Variants in ANKRD44 observed in about 807,000 individuals in gnomAD.
ANKRD44 encodes ankyrin repeat domain 44.
ANKRD44 carries 35 observed loss-of-function variants against 116.0 expected under a neutral mutation model. The observed-to-expected ratio is 0.30, with a 90% CI of 0.23 to 0.40. ANKRD44 has a LOEUF of 0.40. Among genes scored for constraint, ANKRD44 ranks in the 10% least tolerant of loss-of-function variants. ANKRD44 has a pLI of 1.00. For synonymous variants in ANKRD44, 435 were observed against 461.8 expected (o/e 0.94, Z 0.74); for missense variants, 1,014 against 1,242.6 (o/e 0.82, Z 2.77).
At position 197,068,390 on chromosome 2, in the gene ANKRD44, A is replaced by AT. The variant is rs1553500784; in HGVS notation, c.1650+10312_1650+10313insA. Among the ~76,000 whole-genome samples, 99 of 67,338 alleles carry AT rather than the reference A, an allele frequency of 1.5e-3. 1 individual carries two copies. Among genetic ancestry groups the AT allele is most frequent in the South Asian group, 9.0e-3 (15 of 1,662 alleles). 44.2% of individuals were successfully genotyped at this position (67,338 alleles called of 152,430 possible). ...AAAAATAAAAAAAAGAAAAAAATAA[A>AT]AAAAAAATAAAAATAAAATAAAAAA... On this transcript the variant is annotated intron_variant, in intron 16 of 27. Coordinates refer to ENST00000282272, the MANE Select transcript of ANKRD44 (RefSeq NM_001195144.2).
intron 9 of ANKRD44, among the ~76,000 whole-genome samples, chr2:197,100,677 T>C (rs960606610): frequency 1.3e-5 from 2 of 152,306 alleles, no homozygotes; most frequent in South Asian, 2.1e-4. Flanking sequence ...CAGGAAATGA[T>C]TTCATGTAAT....
At chr2:197,093,358 T>C (rs1216091310) in intron 10 of ANKRD44, among the ~76,000 whole-genome samples, 1 of 152,204 alleles carries the variant, frequency 6.6e-6, no homozygotes, top group African/African-American at 2.4e-5. Context: ...CCAATCAATC[T>C]TGCCACTTAA....
chr2:197,229,539 T>C (rs577296804), intron 1 of ANKRD44, among the ~76,000 whole-genome samples: 1 of 152,344 alleles, frequency 6.6e-6, no homozygotes, highest in Non-Finnish European at 1.5e-5. Flanking sequence ...TAGTTTCTCA[T>C]TTTGATTATC....
At chr2:196,993,987 T>C (rs1417779858) in intron 26 of ANKRD44, among the ~76,000 whole-genome samples, 1 of 152,228 alleles carries the variant, frequency 6.6e-6, no homozygotes, top group East Asian at 1.9e-4. Flanking sequence ...GGCCCTTTAC[T>C]GCTTGATTTC....
At chr2:197,008,298 T>G (rs1298235395) in intron 19 of ANKRD44, among the ~76,000 whole-genome samples, 1 of 152,196 alleles carries the variant, frequency 6.6e-6, no homozygotes, top group East Asian at 1.9e-4. Flanking sequence ...TGTAGTATTC[T>G]ATGTTGGACT....
intron 1 of ANKRD44, among the ~76,000 whole-genome samples, chr2:197,209,752 C>T (rs1028612243): frequency 6.6e-6 from 1 of 152,196 alleles, no homozygotes; most frequent in Non-Finnish European, 1.5e-5. Flanking sequence ...TGGAAATTGT[C>T]ATGAAAAGCT....
intron 10 of ANKRD44, chr2:197,099,520 G>A: frequency 9.1e-7 from 1 of 1,093,820 alleles, no homozygotes; most frequent in South Asian, 2.9e-5. Context: ...TTAATATGAA[G>A]CATTGGGAAG....
chr2:197,035,598 T>C (rs1436199348), intron 16 of ANKRD44, among the ~76,000 whole-genome samples: 5 of 152,164 alleles, frequency 3.3e-5, no homozygotes, highest in South Asian at 4.1e-4. Context: ...AGGACATTTA[T>C]GGATCTTCAA....
At chr2:197,053,819 G>T (rs2077156943) in intron 16 of ANKRD44, among the ~76,000 whole-genome samples, 1 of 152,136 alleles carries the variant, frequency 6.6e-6, no homozygotes, top group Admixed American at 6.6e-5. Context: ...GGCTATTTAT[G>T]CTGGAAAAGG....
chr2:197,270,711 C>T (rs537036328), intron 1 of ANKRD44, among the ~76,000 whole-genome samples: 104 of 152,222 alleles, frequency 6.8e-4, no homozygotes, highest in African/African-American at 2.4e-3. Flanking sequence ...GAGCTGGAGA[C>T]GAGGAAGCTG....
At chr2:197,272,566 A>G (rs1453721842) in intron 1 of ANKRD44, among the ~76,000 whole-genome samples, 1 of 152,190 alleles carries the variant, frequency 6.6e-6, no homozygotes, top group African/African-American at 2.4e-5. Flanking sequence ...CACCCAGTTG[A>G]TATTTTGTTT....
intron 17 of ANKRD44, among the ~76,000 whole-genome samples, chr2:197,022,216 T>C (rs1243466365): frequency 6.6e-6 from 1 of 152,138 alleles, no homozygotes; most frequent in Non-Finnish European, 1.5e-5. Context: ...ACCTTTTGGG[T>C]CCTTAAAGCA....
intron 9 of ANKRD44, among the ~76,000 whole-genome samples, chr2:197,101,620 C>T (rs1294179904): frequency 6.6e-6 from 1 of 152,020 alleles, no homozygotes; most frequent in Non-Finnish European, 1.5e-5. Context: ...AAAAAAAAGG[C>T]TTGATTATGT....
At chr2:196,975,299 T>A (rs903659294) in intron 21 of ANKRD44, among the ~76,000 whole-genome samples, 3 of 152,108 alleles carry the variant, frequency 2.0e-5, no homozygotes, top group African/African-American at 7.2e-5. Flanking sequence ...GTAAAGAAAT[T>A]GAGTTAGCAA....
intron 10 of ANKRD44, among the ~76,000 whole-genome samples, chr2:197,091,502 G>A (rs541108036): frequency 2.6e-5 from 4 of 152,130 alleles, no homozygotes; most frequent in South Asian, 2.1e-4. Flanking sequence ...CACCACAGGC[G>A]CACATCACTA....
At chr2:197,115,666 C>T (rs2078691023) in intron 8 of ANKRD44, among the ~76,000 whole-genome samples, 1 of 152,144 alleles carries the variant, frequency 6.6e-6, no homozygotes, top group Non-Finnish European at 1.5e-5. Flanking sequence ...TGCTACTTCC[C>T]TCAACTTTTG....
chr2:197,220,772 A>G (rs966147425), intron 1 of ANKRD44, among the ~76,000 whole-genome samples: 4 of 152,228 alleles, frequency 2.6e-5, no homozygotes, highest in Non-Finnish European at 4.4e-5. Context: ...GAGACATTTA[A>G]CAGCCTTTAT....
intron 21 of ANKRD44, among the ~76,000 whole-genome samples, chr2:196,976,162 C>T (rs1441426942): frequency 2.6e-5 from 4 of 152,070 alleles, no homozygotes; most frequent in Middle Eastern, 3.2e-3. Flanking sequence ...GATGGAGTCT[C>T]GCTCTGTCGC....
At chr2:197,064,649 A>G (rs1204902883) in intron 16 of ANKRD44, among the ~76,000 whole-genome samples, 1 of 152,226 alleles carries the variant, frequency 6.6e-6, no homozygotes, top group South Asian at 2.1e-4. Context: ...CAGGGGTTGC[A>G]ATCCTAGTCT....
Sources: gnomAD v4.1 joint callset for allele counts (sites outside exome capture counted in the v4.1 genomes callset) on GRCh38, gnomAD v4.1.1 for gene constraint, MANE v1.5 for transcripts, NCBI Gene and HGNC (gene_info 2026-07-23, HGNC 2026-07-21) for gene names.